The following MTOR variants were observed in gnomAD, a reference collection of about 807,000 sequenced individuals.
MTOR encodes the protein serine/threonine-protein kinase mTOR.
A neutral mutation model predicts 319.8 loss-of-function variants in MTOR; 70 were observed. The ratio of observed to expected loss-of-function variants is 0.22; its 90% CI spans 0.18 to 0.27. The LOEUF (loss-of-function observed/expected upper bound fraction) is 0.27. MTOR is among the 10% of genes least tolerant of loss of function. The pLI is 1.00. For missense variants in MTOR, 1,890 were observed against 3,274.4 expected, an observed-to-expected ratio of 0.58 and a Z score of 10.32; for synonymous variants, 1,183 against 1,211.4, an observed-to-expected ratio of 0.98 and a Z score of 0.49.
chr1:11,165,092 G>A (rs566247286), intron 29 of MTOR, among the ~76,000 whole-genome samples: 4 of 152,216 alleles, frequency 2.6e-5, no homozygotes, highest in East Asian at 1.9e-4. Context: ...TTGATGGGGC[G>A]TATCTCAAAA....
chr1:11,214,719 C>T (rs753456809), intron 20 of MTOR, among the ~76,000 whole-genome samples: 1 of 152,202 alleles, frequency 6.6e-6, no homozygotes. Context: ...TTTCTCTCTA[C>T]TTGGAGAGAA....
At chr1:11,192,440 C>A (rs1645578586) in intron 28 of MTOR, 1 of 1,284,222 alleles carries the variant, frequency 7.8e-7, no homozygotes, top group African/African-American at 1.5e-5. Context: ...ACTACAACAA[C>A]AGGGCCATTC....
At chr1:11,253,450 T>C (rs1370527366) in intron 6 of MTOR, among the ~76,000 whole-genome samples, 4 of 152,106 alleles carry the variant, frequency 2.6e-5, no homozygotes, top group Non-Finnish European at 4.4e-5. Flanking sequence ...CCTCCTTCCC[T>C]CTCCCTTGCT....
intron 49 of MTOR, among the ~76,000 whole-genome samples, chr1:11,119,893 C>G (rs1006774535): frequency 1.1e-4 from 17 of 151,384 alleles, no homozygotes; most frequent in Admixed American, 2.0e-4. Flanking sequence ...TAAGTTAGGG[C>G]CCCCATCGGA....
rs1430919424 is a variant in MTOR, at chr1:11,258,474, T to G, written c.271+11A>C. The G allele has an allele frequency of 6.3e-7, 1 of 1,597,084 alleles. No homozygotes were observed. The highest frequency in any genetic ancestry group is 1.1e-5 in the South Asian group (1 of 90,556). Reference sequence around the variant, plus strand: ...GTGTGTTGTTTTTGTGACCAGAGACTCTGTCCTTACCTATGGCCAAGATGC... The same window carrying G: ...GTGTGTTGTTTTTGTGACCAGAGACGCTGTCCTTACCTATGGCCAAGATGC... On this transcript the variant is annotated intron_variant, in intron 3 of 57. Coordinates refer to ENST00000361445, the MANE Select transcript of MTOR (RefSeq NM_004958.4).
intron 52 of MTOR, 41 bp downstream of exon 52, chr1:11,114,772 T>C (rs770818394): frequency 1.0e-5 from 16 of 1,589,548 alleles, no homozygotes; most frequent in Non-Finnish European, 1.4e-5. Flanking sequence ...GTAACTGTCC[T>C]GATCCCATTT....
At position 11,247,969 on chromosome 1, in the gene MTOR, T is replaced by C; in HGVS notation, c.966A>G (p.Val322=). 2 of 1,614,172 alleles carry C rather than the reference T, an allele frequency of 1.2e-6. No individual in the cohort carries two copies. The highest frequency in any genetic ancestry group is 1.7e-6 in the Non-Finnish European group (2 of 1,180,022). The part of the protein sequence containing the change: ...HITPFTSFQA[V]QPQQSNALVG... ...CCAAGGCATTTGACTGCTGGGGCTGTACAGCCTGGAAACTGGTGAAGGGGG... is the reference window on the plus strand; with the variant it reads ...CCAAGGCATTTGACTGCTGGGGCTGCACAGCCTGGAAACTGGTGAAGGGGG... The change falls in exon 7 of 58, where the codon GTA becomes GTG. Residue 322 remains valine (V), a synonymous_variant. Transcript: ENST00000361445.
chr1:11,134,969 G>A (rs1163160632), intron 36 of MTOR, among the ~76,000 whole-genome samples: 2 of 152,182 alleles, frequency 1.3e-5, no homozygotes, highest in African/African-American at 2.4e-5. Flanking sequence ...GTGAAAACCC[G>A]CATGCATTCA....
chr1:11,214,480 G>GCCGGGCGCGGTGGCTCACGCCTGT (rs1646406709), intron 20 of MTOR, among the ~76,000 whole-genome samples: 2 of 152,252 alleles, frequency 1.3e-5, no homozygotes, highest in African/African-American at 2.4e-5. Flanking sequence ...AAAAGTTCTG[G>GCCGGGCGCGGTGGCTCACGCCTGT]AGTAGGAAAT....
At chr1:11,138,663 A>G (rs1195315687) in intron 36 of MTOR, among the ~76,000 whole-genome samples, 1 of 152,164 alleles carries the variant, frequency 6.6e-6, no homozygotes, top group Non-Finnish European at 1.5e-5. Context: ...CTTCCTTTTA[A>G]GAAGGAGGAA....
intron 56 of MTOR, among the ~76,000 whole-genome samples, chr1:11,108,668 G>A (rs536881826): frequency 2.8e-5 from 4 of 143,038 alleles, no homozygotes; most frequent in East Asian, 2.1e-4. Flanking sequence ...GGCCAAGATC[G>A]CACCACTGCA....
chr1:11,237,425 T>C (rs1647355157), intron 13 of MTOR, among the ~76,000 whole-genome samples: 1 of 152,084 alleles, frequency 6.6e-6, no homozygotes, highest in South Asian at 2.1e-4. Context: ...CTCACACTGG[T>C]TATTTTTGTG....
chr1:11,204,788 C>A, intron 25 of MTOR, 85 bp from the exon 26 acceptor site: 1 of 1,398,760 alleles, frequency 7.1e-7, no homozygotes, highest in South Asian at 1.4e-5. Flanking sequence ...GATTATTCTA[C>A]TTTTAGATTT....
rs70977549 is a variant in MTOR, at chr1:11,160,075, CATTT to C, written c.4330-2788_4330-2785del. On this transcript the variant is annotated intron_variant, in intron 29 of 57. Transcript: ENST00000361445. ...CCTCAATGTCAGATATCAATTATAG[CATTT>C]ATTTATTTATTTATTTATTTATTTA... Among the ~76,000 whole-genome samples, 494 of 143,418 alleles carry C rather than the reference CATTT, an allele frequency of 3.4e-3. 2 individuals are homozygous for C. The highest frequency in any genetic ancestry group is 0.011 in the Middle Eastern group (3 of 278). 94.1% of individuals were successfully genotyped at this position (143,418 alleles called of 152,430 possible).
At chr1:11,191,024 C>A (rs901019271) in intron 28 of MTOR, among the ~76,000 whole-genome samples, 7 of 152,180 alleles carry the variant, frequency 4.6e-5, no homozygotes, top group African/African-American at 1.7e-4. Context: ...TATTCTCAGG[C>A]CATTTTCCAG....
chr1:11,172,514 C>G (rs1313682381), intron 28 of MTOR, among the ~76,000 whole-genome samples: 1 of 132,782 alleles, frequency 7.5e-6, no homozygotes, highest in Non-Finnish European at 1.6e-5. Flanking sequence ...GAGCCGAGAT[C>G]ACACCACTGC....
chr1:11,114,975 C>T lies in MTOR; in HGVS notation c.7090-88G>A, dbSNP rs1239593269. The T allele has an allele frequency of 1.2e-5, 13 of 1,082,454 alleles. No homozygotes were observed. In the East Asian group the frequency reaches 3.1e-4, roughly 26 times the overall value. The allele number at this position is 1,082,454 out of a possible 1,614,324, so 67.1% of individuals were successfully genotyped here. A position where few individuals can be genotyped will look rare whatever the true frequency, so the allele number is the denominator to read the frequency against. Reference sequence around the variant, plus strand: ...GAGCAGGTGGCTTTCCTCTGCATCACCTGCACTGATTTTAATTATAGCAGG... The same window carrying T: ...GAGCAGGTGGCTTTCCTCTGCATCATCTGCACTGATTTTAATTATAGCAGG... On this transcript the variant is annotated intron_variant, in intron 51 of 57. Coordinates refer to ENST00000361445, the MANE Select transcript of MTOR (RefSeq NM_004958.4).
intron 13 of MTOR, among the ~76,000 whole-genome samples, chr1:11,235,695 T>C (rs1375382188): frequency 1.3e-5 from 2 of 151,878 alleles, no homozygotes; most frequent in African/African-American, 4.8e-5. Flanking sequence ...TTAAGAAGAT[T>C]AGAGCCAGCC....
chr1:11,199,192 C>T lies in MTOR; in HGVS notation c.4253+66G>A, dbSNP rs1440945382. Reference sequence around the variant, plus strand: ...TTCAAGTGACTCCAGTGAAGTGGCACCAGGCAGTGGGAGAAGAGAGGTCAT... The same window carrying T: ...TTCAAGTGACTCCAGTGAAGTGGCATCAGGCAGTGGGAGAAGAGAGGTCAT... On this transcript the variant is annotated intron_variant, in intron 28 of 57. Coordinates refer to ENST00000361445, the MANE Select transcript of MTOR (RefSeq NM_004958.4). This position sits in a 1 kb window ranked among gnomAD's most constrained non-coding sequence, Gnocchi z 4.5. 1.2e-6 allele frequency: 2 copies of T among 1,604,512 alleles called. No individual in the cohort carries two copies. The highest frequency in any genetic ancestry group is 1.7e-6 in the Non-Finnish European group (2 of 1,172,276).
Sources: allele counts gnomAD v4.1 joint callset (sites outside exome capture counted in the v4.1 genomes callset), GRCh38; gene constraint gnomAD v4.1.1; non-coding constraint Gnocchi (gnomAD v3.1); transcripts MANE v1.5; gene names NCBI Gene and HGNC (gene_info 2026-07-23, HGNC 2026-07-21).